NTRK3: variants seen among roughly 807,000 people sequenced by gnomAD.
The protein encoded by NTRK3 is NT-3 growth factor receptor.
In NTRK3, 24 loss-of-function variants were observed where a neutral mutation model predicts 91.7. That is an observed-to-expected ratio of 0.26 (90% CI 0.19 to 0.37). The LOEUF is 0.37. Among genes scored for constraint, NTRK3 ranks in the 10% least tolerant of loss-of-function variants. The pLI is 1.00. For missense variants in NTRK3, 880 were observed against 1,068.9 expected (o/e 0.82, Z 2.46); for synonymous variants, 483 against 404.0 (o/e 1.20, Z -2.34).
At chr15:88,031,650 G>A (rs1319333862) in intron 14 of NTRK3, among the ~76,000 whole-genome samples, 3 of 152,100 alleles carry the variant, frequency 2.0e-5, no homozygotes, top group Admixed American at 6.5e-5. Flanking sequence ...GGAGGCAAAC[G>A]ATGACCTTAT....
chr15:88,110,998 A>G (rs891310714), intron 13 of NTRK3, among the ~76,000 whole-genome samples: 1 of 152,172 alleles, frequency 6.6e-6, no homozygotes, highest in Admixed American at 6.5e-5. Flanking sequence ...CAAAGACAAG[A>G]CTGGGCTGTG....
chr15:87,965,011 C>T (rs2072658156), intron 14 of NTRK3, among the ~76,000 whole-genome samples: 1 of 152,040 alleles, frequency 6.6e-6, no homozygotes, highest in Admixed American at 6.5e-5. Flanking sequence ...ATATCACTTC[C>T]ACAAAAATTT....
chr15:88,123,422 T>G (rs2052947868), intron 13 of NTRK3, among the ~76,000 whole-genome samples: 2 of 152,320 alleles, frequency 1.3e-5, no homozygotes, highest in Middle Eastern at 3.4e-3. Flanking sequence ...ACCGGTGTCA[T>G]CACTCTTTAT....
intron 13 of NTRK3, among the ~76,000 whole-genome samples, chr15:88,087,013 G>A (rs543701847): frequency 1.1e-4 from 16 of 152,300 alleles, no homozygotes; most frequent in Admixed American, 9.1e-4. Flanking sequence ...CTCAAAAACG[G>A]GTGCATCACT....
intron 17 of NTRK3, 141 bp from the exon 19 acceptor site, chr15:87,880,569 G>A (rs1596063450): frequency 9.8e-7 from 1 of 1,016,988 alleles, no homozygotes; most frequent in African/African-American, 1.6e-5. Flanking sequence ...TTCTATCAGA[G>A]GTGTGTGAAG....
At position 88,059,049 on chromosome 15, in the gene NTRK3, AACAC is replaced by A. The variant is rs56706510; in HGVS notation, c.1397-26008_1397-26005del. ...GGCCCCTTTATTTCACTCACACACA[AACAC>A]ACACACACACACACACACACACACA... On this transcript the variant is annotated intron_variant, in intron 13 of 18. Transcript: ENST00000394480. 3.5e-3 allele frequency among the ~76,000 whole-genome samples: 503 copies of A among 144,554 alleles called. 5 individuals carry two copies. Among genetic ancestry groups the A allele is most frequent in the Middle Eastern group, 0.031 (9 of 290 alleles). The allele number at this position is 144,554 out of a possible 152,430, so 94.8% of individuals were successfully genotyped here.
intron 3 of NTRK3, among the ~76,000 whole-genome samples, chr15:88,193,238 A>C (rs1206867762): frequency 1.3e-5 from 2 of 151,938 alleles, no homozygotes; most frequent in African/African-American, 4.8e-5. Flanking sequence ...CCCTACAGGC[A>C]CCCTGAACTT....
intron 14 of NTRK3, among the ~76,000 whole-genome samples, chr15:87,947,109 C>A (rs546671940): frequency 1.3e-5 from 2 of 152,162 alleles, no homozygotes; most frequent in South Asian, 4.1e-4. Context: ...AAACTCCCGA[C>A]CTCAGGTAAT....
chr15:88,062,658 A>C (rs927688179), intron 13 of NTRK3, among the ~76,000 whole-genome samples: 9 of 152,270 alleles, frequency 5.9e-5, no homozygotes, highest in African/African-American at 2.2e-4. Flanking sequence ...GCCTATTTCC[A>C]AACCTCTTTT....
chr15:88,231,745 G>A (rs1024127628), intron 3 of NTRK3, among the ~76,000 whole-genome samples: 1 of 152,140 alleles, frequency 6.6e-6, no homozygotes, highest in Admixed American at 6.5e-5. Context: ...AGTTTTCAGA[G>A]ATCACTTTTT....
chr15:88,148,793 C>A (rs764822632), intron 5 of NTRK3, among the ~76,000 whole-genome samples: 11 of 152,108 alleles, frequency 7.2e-5, no homozygotes, highest in Non-Finnish European at 1.6e-4. Context: ...AGCTAGGAAG[C>A]TGCTACAGTC....
Position 88,235,693 on chromosome 15 carries a change from AG to A in NTRK3, c.248+20212del, listed in dbSNP as rs1299318834. Among the ~76,000 whole-genome samples the A allele has an allele frequency of 6.6e-6, 1 of 152,138 alleles. No homozygotes were observed. Among genetic ancestry groups the A allele is most frequent in the Admixed American group, 6.5e-5 (1 of 15,280 alleles). ...AAGAAGGGAGCTCTGAGAGGACCCT[AG>A]GGGGATGTCCTTGGGCTGAGGACCC... On this transcript the variant is annotated intron_variant, in intron 3 of 18. Transcript: ENST00000394480. This position sits in a 1 kb window ranked among gnomAD's most constrained non-coding sequence, Gnocchi z 5.2.
At chr15:88,105,367 G>T (rs1249950451) in intron 13 of NTRK3, among the ~76,000 whole-genome samples, 1 of 152,236 alleles carries the variant, frequency 6.6e-6, no homozygotes, top group Non-Finnish European at 1.5e-5. Flanking sequence ...CTACCTTAAA[G>T]AGTCATGGAT....
rs140570996 is a variant in NTRK3 at position 87,913,770 on chromosome 15, T to C, written c.2133+15421A>G. Among the ~76,000 whole-genome samples, 553 of 152,304 alleles carry C rather than the reference T, an allele frequency of 3.6e-3. 3 individuals carry two copies. Among genetic ancestry groups the C allele is most frequent in the African/African-American group, 0.013 (544 of 41,554 alleles). On this transcript the variant is annotated intron_variant, in intron 17 of 18. Transcript: ENST00000394480. Reference sequence around the variant, plus strand: ...AATGAAGAAAATACAATTGGCCTCTTTACGATCAGCAGAAAATGAATGAAA... The same window carrying C: ...AATGAAGAAAATACAATTGGCCTCTCTACGATCAGCAGAAAATGAATGAAA...
intron 13 of NTRK3, among the ~76,000 whole-genome samples, chr15:88,117,832 G>A (rs1288680400): frequency 6.6e-6 from 1 of 152,236 alleles, no homozygotes; most frequent in Non-Finnish European, 1.5e-5. Flanking sequence ...GACAGGGAGT[G>A]TTATTAACCC....
At chr15:87,929,166 C>A in intron 17 of NTRK3, 25 bp downstream of exon 17, 1 of 1,614,080 alleles carries the variant, frequency 6.2e-7, no homozygotes, top group South Asian at 1.1e-5. Context: ...GTGGCTGAGT[C>A]CTGCAGCTGG....
intron 13 of NTRK3, among the ~76,000 whole-genome samples, chr15:88,105,609 T>C (rs1454157830): frequency 6.6e-6 from 1 of 152,158 alleles, no homozygotes; most frequent in Non-Finnish European, 1.5e-5. Context: ...CTATATCTTT[T>C]CCTTGTGCTT....
intron 14 of NTRK3, among the ~76,000 whole-genome samples, chr15:87,946,922 C>T (rs1775883691): frequency 7.0e-6 from 1 of 142,972 alleles, no homozygotes; most frequent in Admixed American, 7.1e-5. Flanking sequence ...CGCTCTATCG[C>T]CCAGGCTGGA....
chr15:88,183,012 A>ACCCCCCCCCCCCCCCCCCCCCCCCCCACC (rs370707792), intron 5 of NTRK3, among the ~76,000 whole-genome samples: 1 of 119,884 alleles, frequency 8.3e-6, no homozygotes, highest in African/African-American at 3.1e-5. Context: ...TCTTCTTGCA[A>ACCCCCCCCCCCCCCCCCCCCCCCCCCACC]CCCCCCCCCG....
Sources: allele counts gnomAD v4.1 joint callset (sites outside exome capture counted in the v4.1 genomes callset), GRCh38; gene constraint gnomAD v4.1.1; non-coding constraint Gnocchi (gnomAD v3.1); transcripts MANE v1.5; gene names NCBI Gene and HGNC (gene_info 2026-07-23, HGNC 2026-07-21).